The following CFAP299 variants were observed in gnomAD, a reference collection of about 807,000 sequenced individuals.
The protein encoded by CFAP299 is cilia- and flagella-associated protein 299.
A neutral mutation model predicts 27.0 loss-of-function variants in CFAP299; 21 were observed. That is an observed-to-expected ratio of 0.78 (90% CI 0.55 to 1.12). The LOEUF (loss-of-function observed/expected upper bound fraction) is 1.12. CFAP299 is among the 50% of genes most tolerant of loss of function. CFAP299 has a pLI of 0.00. For synonymous variants in CFAP299, 104 were observed against 98.1 expected, an observed-to-expected ratio of 1.06 and a Z score of -0.36; for missense variants, 310 against 276.6, an observed-to-expected ratio of 1.12 and a Z score of -0.86.
chr4:80,732,404 A>G (rs890112765), intron 3 of CFAP299, among the ~76,000 whole-genome samples: 5 of 152,168 alleles, frequency 3.3e-5, no homozygotes, highest in African/African-American at 1.2e-4. Context: ...TTGACTGCAA[A>G]CACAAAAGAT....
chr4:80,488,002 T>C (rs1424147889), intron 2 of CFAP299, among the ~76,000 whole-genome samples: 1 of 152,214 alleles, frequency 6.6e-6, no homozygotes, highest in Non-Finnish European at 1.5e-5. Context: ...CATGCTAGTT[T>C]TTAAAACATC....
chr4:80,762,213 C>T (rs1028759520), intron 3 of CFAP299, among the ~76,000 whole-genome samples: 1 of 152,000 alleles, frequency 6.6e-6, no homozygotes, highest in East Asian at 1.9e-4. Context: ...ACATACCTTT[C>T]CTTTTCTGAA....
At chr4:80,881,509 A>G (rs1733704339) in intron 4 of CFAP299, among the ~76,000 whole-genome samples, 1 of 152,188 alleles carries the variant, frequency 6.6e-6, no homozygotes, top group Admixed American at 6.5e-5. Context: ...TCCAGGGGGA[A>G]GAAAGTTTCC....
intron 1 of CFAP299, among the ~76,000 whole-genome samples, chr4:80,353,423 C>T (rs1478673837): frequency 1.3e-5 from 2 of 152,194 alleles, no homozygotes; most frequent in Non-Finnish European, 2.9e-5. Context: ...AAATCCACAT[C>T]CCAAAGTCTG....
chr4:80,662,276 CGT>C (rs1740889499), intron 3 of CFAP299, among the ~76,000 whole-genome samples: 1 of 151,998 alleles, frequency 6.6e-6, no homozygotes, highest in African/African-American at 2.4e-5. Context: ...AACCAGCCGA[CGT>C]GTGATGTCTC....
chr4:80,623,104 TA>T (rs1738690104), intron 3 of CFAP299, among the ~76,000 whole-genome samples: 1 of 152,130 alleles, frequency 6.6e-6, no homozygotes, highest in African/African-American at 2.4e-5. Context: ...GCTTCTGTTC[TA>T]CACTCAATTT....
At chr4:80,560,577 A>G (rs1734991341) in intron 2 of CFAP299, among the ~76,000 whole-genome samples, 1 of 151,922 alleles carries the variant, frequency 6.6e-6, no homozygotes. Flanking sequence ...CCAGAGGGAT[A>G]CCCACTGCCC....
intron 2 of CFAP299, among the ~76,000 whole-genome samples, chr4:80,465,182 A>G (rs1729643759): frequency 6.6e-6 from 1 of 152,184 alleles, no homozygotes; most frequent in Admixed American, 6.5e-5. Context: ...TTCCCAGCAG[A>G]TGCAAGTCAA....
intron 3 of CFAP299, among the ~76,000 whole-genome samples, chr4:80,648,365 A>G (rs1740128523): frequency 6.6e-6 from 1 of 152,128 alleles, no homozygotes. Flanking sequence ...TAAAATGGTA[A>G]CTACTTGGGC....
chr4:80,564,498 C>A, intron 2 of CFAP299, among the ~76,000 whole-genome samples: 1 of 151,892 alleles, frequency 6.6e-6, no homozygotes, highest in Admixed American at 6.6e-5. Context: ...GATAAAAACT[C>A]TCAAAAATCT....
At chr4:80,797,757 C>T (rs935633464) in intron 3 of CFAP299, among the ~76,000 whole-genome samples, 11 of 152,078 alleles carry the variant, frequency 7.2e-5, no homozygotes, top group African/African-American at 2.4e-4. Flanking sequence ...ATCTTCTGGG[C>T]CTTCCCAGCT....
intron 3 of CFAP299, among the ~76,000 whole-genome samples, chr4:80,687,023 A>G (rs1720247006): frequency 6.6e-6 from 1 of 152,220 alleles, no homozygotes; most frequent in African/African-American, 2.4e-5. Context: ...TTCCTTAGAA[A>G]ACATTTTTGC....
intron 3 of CFAP299, among the ~76,000 whole-genome samples, chr4:80,756,969 G>A (rs777498065): frequency 1.2e-4 from 18 of 152,072 alleles, no homozygotes; most frequent in Middle Eastern, 3.2e-3. Context: ...TGACATTCAC[G>A]ATTACATTAA....
chr4:80,713,204 T>A (rs917662504), intron 3 of CFAP299, among the ~76,000 whole-genome samples: 2 of 151,942 alleles, frequency 1.3e-5, no homozygotes, highest in Admixed American at 1.3e-4. Context: ...TGTTAATGGA[T>A]CTTAAAGTAA....
At chr4:80,538,098 GTAGCTATTGTAACA>G (rs1432377802) in intron 2 of CFAP299, among the ~76,000 whole-genome samples, 15 of 152,186 alleles carry the variant, frequency 9.9e-5, no homozygotes, top group Admixed American at 9.2e-4. Flanking sequence ...TGGTGACATC[GTAGCTATTGTAACA>G]TAGCTATTGT....
chr4:80,879,774 G>A (rs1262870358), intron 4 of CFAP299, among the ~76,000 whole-genome samples: 1 of 152,156 alleles, frequency 6.6e-6, no homozygotes, highest in Non-Finnish European at 1.5e-5. Context: ...AATGAAATGG[G>A]TTAATGGCAC....
intron 1 of CFAP299, among the ~76,000 whole-genome samples, chr4:80,346,901 G>A (rs1256377240): frequency 5.3e-5 from 8 of 152,178 alleles, no homozygotes; most frequent in East Asian, 1.9e-4. Context: ...CTTCCTATCC[G>A]TGATCATGGA....
intron 3 of CFAP299, among the ~76,000 whole-genome samples, chr4:80,711,312 G>T (rs1722155337): frequency 6.6e-6 from 1 of 152,190 alleles, no homozygotes; most frequent in Admixed American, 6.5e-5. Flanking sequence ...TGGGTGAGCT[G>T]CTCAGAGGAG....
At chr4:80,491,525 A>G (rs1433994085) in intron 2 of CFAP299, among the ~76,000 whole-genome samples, 1 of 152,150 alleles carries the variant, frequency 6.6e-6, no homozygotes, top group Non-Finnish European at 1.5e-5. Context: ...TTGTATTCAG[A>G]TAAACACAAT....
Sources: gnomAD v4.1 joint callset for allele counts (sites outside exome capture counted in the v4.1 genomes callset) on GRCh38, gnomAD v4.1.1 for gene constraint, MANE v1.5 for transcripts, NCBI Gene and HGNC (gene_info 2026-07-23, HGNC 2026-07-21) for gene names.